ZNF730: variants seen among roughly 807,000 people sequenced by gnomAD.
ZNF730 encodes zinc finger protein 730.
ZNF730 carries 12 observed loss-of-function variants against 12.6 expected under a neutral mutation model. The ratio of observed to expected loss-of-function variants is 0.95; its 90% CI spans 0.61 to 1.54. ZNF730 has a LOEUF of 1.54. ZNF730 is among the 40% of genes most tolerant of loss of function. ZNF730 has a pLI of 0.00. For missense variants in ZNF730, 643 were observed against 583.5 expected, an observed-to-expected ratio of 1.10 and a Z score of -1.05; for synonymous variants, 194 against 195.8, an observed-to-expected ratio of 0.99 and a Z score of 0.08.
In ZNF730 at chr19:23,143,118, C is replaced by T. The variant is rs149554848; in HGVS notation, c.227-2153C>T. Among the ~76,000 whole-genome samples, 480 of 152,232 alleles carry T rather than the reference C, an allele frequency of 3.2e-3. 4 individuals are homozygous for T. Among genetic ancestry groups the T allele is most frequent in the African/African-American group, 8.8e-3 (366 of 41,544 alleles). On this transcript the variant is annotated intron_variant, in intron 3 of 3. Transcript: ENST00000597761. Reference sequence around the variant, plus strand: ...AATTAGCCGGGCGTGGTGGCAGGCACCTGTAGCCCCAGCTACTCAGGAGTC... The same window carrying T: ...AATTAGCCGGGCGTGGTGGCAGGCATCTGTAGCCCCAGCTACTCAGGAGTC...
Position 23,132,618 on chromosome 19 carries a change from G to C in ZNF730, c.4-1462G>C, listed in dbSNP as rs540553402. On this transcript the variant is annotated intron_variant, in intron 1 of 3. Transcript: ENST00000597761. ...GTTCCCTTTGTGGCTGTTGAACATG[G>C]GAAGGTGTGGATGCTCAAGATTCCT... 5.6e-3 allele frequency among the ~76,000 whole-genome samples: 858 copies of C among 152,028 alleles called. 3 individuals carry two copies. The highest frequency in any genetic ancestry group is 0.01 in the Non-Finnish European group (695 of 67,984).
At chr19:23,085,496 C>CTTTTTTTTT in intron 1 of ZNF730, among the ~76,000 whole-genome samples, 1 of 52,762 alleles carries the variant, frequency 1.9e-5, no homozygotes, top group African/African-American at 6.4e-5. Flanking sequence ...CCATGCCCGT[C>CTTTTTTTTT]TTTTTTTTTT....
chr19:23,123,339 G>A (rs1258760749), intron 1 of ZNF730: 1 of 152,450 alleles, frequency 6.6e-6, no homozygotes, highest in Non-Finnish European at 1.5e-5. Context: ...GGAGGCCAAG[G>A]CAGGTGGATC....
upstream of ZNF730, among the ~76,000 whole-genome samples, chr19:23,114,482 TTTTTATTTATTTTTATTTTTA>T (rs1406574905): frequency 1.5e-5 from 2 of 133,152 alleles, no homozygotes; most frequent in Non-Finnish European, 3.2e-5. Context: ...AATTTTTTTA[TTTTTATTTATTTTTATTTTTA>T]TTTTATTTAT....
In ZNF730 at chr19:23,135,062, T is replaced by C. The variant is rs549747608; in HGVS notation, c.130+856T>C. ...AAGAGTCATCACCACTCCCTAATCT[T>C]AAGTACCCAGGGACACAAACACTGT... On this transcript the variant is annotated intron_variant, in intron 2 of 3. Transcript: ENST00000597761. 5.4e-5 allele frequency among the ~76,000 whole-genome samples: 7 copies of C among 130,806 alleles called. No individual in the cohort carries two copies. The South Asian group carries it at 8.1e-4, about 15-fold the overall frequency. 85.8% of individuals were successfully genotyped at this position (130,806 alleles called of 152,430 possible). A position where few individuals can be genotyped will look rare whatever the true frequency, so the allele number is the denominator to read the frequency against.
At chr19:23,095,743 ACTCTC>A (rs983866248) in intron 1 of ZNF730, 4 of 298,442 alleles carry the variant, frequency 1.3e-5, no homozygotes, top group African/African-American at 8.7e-5. Context: ...ATTTTATGTG[ACTCTC>A]CTCTCTTACC....
intron 1 of ZNF730, among the ~76,000 whole-genome samples, chr19:23,076,281 T>C (rs547194660): frequency 6.6e-6 from 1 of 152,326 alleles, no homozygotes; most frequent in East Asian, 1.9e-4. Context: ...TAAAGATTTG[T>C]TTTCTGTCTA....
At chr19:23,101,992 C>G (rs746244069) in intron 1 of ZNF730, among the ~76,000 whole-genome samples, 1 of 152,134 alleles carries the variant, frequency 6.6e-6, no homozygotes, top group Non-Finnish European at 1.5e-5. Flanking sequence ...TGCCTGTGCC[C>G]TAACTATTTT....
At chr19:23,103,185 A>AT (rs1442601541) in intron 1 of ZNF730, among the ~76,000 whole-genome samples, 1 of 152,190 alleles carries the variant, frequency 6.6e-6, no homozygotes, top group Non-Finnish European at 1.5e-5. Context: ...GCAAGTGAGA[A>AT]TTTTTCTATC....
intron 2 of ZNF730, among the ~76,000 whole-genome samples, chr19:23,135,581 G>T (rs1421925438): frequency 6.6e-6 from 1 of 151,974 alleles, no homozygotes; most frequent in Non-Finnish European, 1.5e-5. Flanking sequence ...CACAATGTCG[G>T]CTCACTGCAA....
intron 1 of ZNF730, chr19:23,095,725 C>G: frequency 9.1e-6 from 3 of 330,726 alleles, no homozygotes; most frequent in Non-Finnish European, 1.6e-5. Context: ...CCTCTGGGCC[C>G]TTTGACTATT....
chr19:23,080,080 G>T (rs1170287094), intron 1 of ZNF730, among the ~76,000 whole-genome samples: 1 of 151,952 alleles, frequency 6.6e-6, no homozygotes, highest in African/African-American at 2.4e-5. Flanking sequence ...TGAGTAGCTG[G>T]GATTACAGGC....
At chr19:23,089,640 A>G (rs1170339371) in intron 1 of ZNF730, among the ~76,000 whole-genome samples, 1 of 152,164 alleles carries the variant, frequency 6.6e-6, no homozygotes, top group Non-Finnish European at 1.5e-5. Flanking sequence ...GGCTACTGCC[A>G]TGTTTCTGAT....
chr19:23,096,848 C>T (rs916113126), intron 1 of ZNF730, among the ~76,000 whole-genome samples: 1 of 152,180 alleles, frequency 6.6e-6, no homozygotes, highest in Non-Finnish European at 1.5e-5. Flanking sequence ...CTAAGCCCTG[C>T]GTACAGTGTG....
At chr19:23,131,274 GA>G (rs1011260238) in intron 1 of ZNF730, among the ~76,000 whole-genome samples, 1 of 151,930 alleles carries the variant, frequency 6.6e-6, no homozygotes, top group African/African-American at 2.4e-5. Context: ...CAGAGAAACA[GA>G]AAAAAATATG....
chr19:23,105,398 C>G (rs1040930975), intron 1 of ZNF730, among the ~76,000 whole-genome samples: 4 of 152,132 alleles, frequency 2.6e-5, no homozygotes, highest in African/African-American at 9.7e-5. Context: ...CAGGCGTGAG[C>G]TACCATGCCT....
Position 23,146,747 on chromosome 19 carries a change from C to A in ZNF730, c.*191C>A. ...ACAAATGTGAAGAATGTGGCAAAGT[C>A]TTCAACCAATCTTCACACCTTACTA... On this transcript the variant is annotated 3_prime_UTR_variant, in exon 4 of 4. Coordinates refer to ENST00000597761, the MANE Select transcript of ZNF730 (RefSeq NM_001277403.2). 1 of 1,219,930 alleles carries A rather than the reference C, an allele frequency of 8.2e-7. No homozygotes were observed. The allele number at this position is 1,219,930 out of a possible 1,614,324, so 75.6% of individuals were successfully genotyped here.
intron 1 of ZNF730, chr19:23,127,690 G>C: frequency 8.0e-7 from 1 of 1,243,574 alleles, no homozygotes; most frequent in East Asian, 2.3e-5. Context: ...CATCAGAAAT[G>C]TCCACCAGCA....
chr19:23,088,184 T>C (rs913095266), intron 1 of ZNF730, among the ~76,000 whole-genome samples: 3 of 151,888 alleles, frequency 2.0e-5, no homozygotes, highest in Non-Finnish European at 1.5e-5. Flanking sequence ...CACGCCTGGC[T>C]AATTTTTGTA....
Sources: allele counts gnomAD v4.1 joint callset (sites outside exome capture counted in the v4.1 genomes callset), GRCh38; gene constraint gnomAD v4.1.1; transcripts MANE v1.5; gene names NCBI Gene and HGNC (gene_info 2026-07-23, HGNC 2026-07-21).